Variants in CNOT6L observed in about 807,000 individuals in gnomAD.
CNOT6L encodes CCR4-NOT transcription complex subunit 6 like.
CNOT6L carries 7 observed loss-of-function variants against 64.0 expected under a neutral mutation model. The observed-to-expected ratio is 0.11, with a 90% CI of 0.06 to 0.21. The LOEUF is 0.21. Among genes scored for constraint, CNOT6L ranks in the 10% least tolerant of loss-of-function variants. CNOT6L has a pLI of 1.00. For missense variants in CNOT6L, 245 were observed against 669.0 expected, an observed-to-expected ratio of 0.37 and a Z score of 6.99; for synonymous variants, 193 against 243.4, an observed-to-expected ratio of 0.79 and a Z score of 1.93.
rs574403782 is a variant in CNOT6L, at chr4:77,723,007, C to T, written c.1456-2364G>A. Among the ~76,000 whole-genome samples the T allele has an allele frequency of 1.3e-3, 202 of 152,176 alleles. 1 individual carries two copies. The highest frequency in any genetic ancestry group is 4.8e-3 in the African/African-American group (200 of 41,526). Reference sequence around the variant, plus strand: ...ATATTAATAGTCTGTTACCACTATGCTAAGCTTTTTTAAAAGAATGCCAGA... The same window carrying T: ...ATATTAATAGTCTGTTACCACTATGTTAAGCTTTTTTAAAAGAATGCCAGA... On this transcript the variant is annotated intron_variant, in intron 11 of 11. Transcript: ENST00000504123.
chr4:77,804,377 C>T (rs1263700593), intron 1 of CNOT6L, among the ~76,000 whole-genome samples: 2 of 150,458 alleles, frequency 1.3e-5, no homozygotes, highest in Admixed American at 6.6e-5. Flanking sequence ...TGTGGTGAAC[C>T]GGTATCGTGC....
chr4:77,818,726 C>T (rs944666346), intron 1 of CNOT6L, among the ~76,000 whole-genome samples: 2 of 152,098 alleles, frequency 1.3e-5, no homozygotes. Flanking sequence ...CGACCCTCAC[C>T]TGCCCAGGCC....
Position 77,777,193 on chromosome 4 carries a change from A to G in CNOT6L, c.6-801T>C, listed in dbSNP as rs151076637. On this transcript the variant is annotated intron_variant, in intron 1 of 11. Coordinates refer to ENST00000504123, the MANE Select transcript of CNOT6L (RefSeq NM_144571.3). ...TTTGCCTGGGTCAGTCTTGGTTTATATCTGTTGTTCTGAAGCAATTATTAT... is the reference window on the plus strand; with the variant it reads ...TTTGCCTGGGTCAGTCTTGGTTTATGTCTGTTGTTCTGAAGCAATTATTAT... 3.0e-3 allele frequency among the ~76,000 whole-genome samples: 460 copies of G among 152,328 alleles called. 3 individuals are homozygous for G. Among genetic ancestry groups the G allele is most frequent in the African/African-American group, 0.01 (428 of 41,570 alleles).
At chr4:77,819,218 T>G (rs781125158) in intron 1 of CNOT6L, 86 bp downstream of exon 1, 2 of 1,610,398 alleles carry the variant, frequency 1.2e-6, no homozygotes, top group South Asian at 1.1e-5. Flanking sequence ...ACACGCACAT[T>G]TGTCCCTCTC....
chr4:77,813,162 C>A, intron 1 of CNOT6L, among the ~76,000 whole-genome samples: 1 of 152,120 alleles, frequency 6.6e-6, no homozygotes. Context: ...AGATATTAGA[C>A]TTCTACAACA....
chr4:77,809,892 CA>C (rs1340546622), intron 1 of CNOT6L, among the ~76,000 whole-genome samples: 1 of 152,056 alleles, frequency 6.6e-6, no homozygotes, highest in Non-Finnish European at 1.5e-5. Context: ...TATTTTGTGT[CA>C]CCAATTTCAA....
rs1445416966 is a variant in CNOT6L at position 77,819,337 on chromosome 4, A to C, written c.-29T>G. ...CTTCCTCTGGCCCAGAAGCAACAGCAGCCATTTCCCCGCGGCAGGGGAAAC... is the reference window on the plus strand; with the variant it reads ...CTTCCTCTGGCCCAGAAGCAACAGCCGCCATTTCCCCGCGGCAGGGGAAAC... On this transcript the variant is annotated 5_prime_UTR_variant, in exon 1 of 12. Transcript: ENST00000504123. 6.2e-7 allele frequency: 1 copy of C among 1,613,258 alleles called. No individual in the cohort carries two copies. Among genetic ancestry groups the C allele is most frequent in the Non-Finnish European group, 8.5e-7 (1 of 1,179,626 alleles).
chr4:77,774,977 C>T (rs1019810770), intron 2 of CNOT6L, among the ~76,000 whole-genome samples: 35 of 152,244 alleles, frequency 2.3e-4, no homozygotes, highest in African/African-American at 8.4e-4. Context: ...ATGTGGAAAC[C>T]CTTGGAGTTT....
intron 1 of CNOT6L, among the ~76,000 whole-genome samples, chr4:77,803,336 G>A (rs926581448): frequency 1.3e-5 from 2 of 152,036 alleles, no homozygotes; most frequent in Non-Finnish European, 2.9e-5. Context: ...GAGAAAATAA[G>A]CATACATCAC....
chr4:77,797,741 G>A (rs1731033214), intron 1 of CNOT6L, among the ~76,000 whole-genome samples: 3 of 152,172 alleles, frequency 2.0e-5, no homozygotes, highest in Non-Finnish European at 2.9e-5. Flanking sequence ...CTATGACATT[G>A]TGAAGAAGGA....
chr4:77,735,592 TG>T (rs1447074903), intron 8 of CNOT6L, among the ~76,000 whole-genome samples: 1 of 152,222 alleles, frequency 6.6e-6, no homozygotes, highest in Non-Finnish European at 1.5e-5. Flanking sequence ...GTGACTCTCT[TG>T]GCTTACCAAT....
chr4:77,817,089 C>T lies in CNOT6L; in HGVS notation c.5+2215G>A, dbSNP rs1020154727. On this transcript the variant is annotated intron_variant, in intron 1 of 11. Coordinates refer to ENST00000504123, the MANE Select transcript of CNOT6L (RefSeq NM_144571.3). ...TGGGGATCTATCTAAATTTTGGTTC[C>T]TTGATCCTTTTTAATGTTTAACTGT... Among the ~76,000 whole-genome samples the T allele has an allele frequency of 6.6e-5, 10 of 151,884 alleles. No individual in the cohort carries two copies. In the South Asian group the frequency reaches 1.2e-3, roughly 19 times the overall value.
intron 7 of CNOT6L, 66 bp downstream of exon 7, chr4:77,744,652 T>G: frequency 7.3e-7 from 1 of 1,367,342 alleles, no homozygotes; most frequent in Non-Finnish European, 9.8e-7. Context: ...CTCCCAGTGG[T>G]CAGATCTTCT....
intron 6 of CNOT6L, 57 bp downstream of exon 6, chr4:77,748,259 C>T: frequency 8.6e-7 from 1 of 1,160,204 alleles, no homozygotes. Context: ...ATCATGAAGC[C>T]CAAATAACAT....
Position 77,716,732 on chromosome 4 carries a change from C to A in CNOT6L, c.*3699G>T, listed in dbSNP as rs1279305145. The A allele has an allele frequency of 6.6e-6, 1 of 152,162 alleles. No homozygotes were observed. The highest frequency in any genetic ancestry group is 1.5e-5 in the Non-Finnish European group (1 of 67,924). 9.4% of individuals were successfully genotyped at this position (152,162 alleles called of 1,614,324 possible). A position where few individuals can be genotyped will look rare whatever the true frequency, so the allele number is the denominator to read the frequency against. Reference sequence around the variant, plus strand: ...GATTTAATATATAACTTTAAGACACCAAAAAAATAGGGGCAAATAAGAAAC... The same window carrying A: ...GATTTAATATATAACTTTAAGACACAAAAAAAATAGGGGCAAATAAGAAAC... On this transcript the variant is annotated 3_prime_UTR_variant, in exon 12 of 12. Transcript: ENST00000504123.
chr4:77,742,328 CAGAG>C, intron 7 of CNOT6L, 33 bp from the exon 8 acceptor site: 1 of 1,576,782 alleles, frequency 6.3e-7, no homozygotes. Flanking sequence ...ATCTATATGA[CAGAG>C]GGAAAATGCT....
At chr4:77,758,593 G>A (rs1725828505) in intron 4 of CNOT6L, among the ~76,000 whole-genome samples, 1 of 152,172 alleles carries the variant, frequency 6.6e-6, no homozygotes, top group Admixed American at 6.5e-5. Context: ...AGCAGATACA[G>A]AGAATCACAA....
intron 1 of CNOT6L, among the ~76,000 whole-genome samples, chr4:77,793,165 C>T (rs910254195): frequency 1.5e-4 from 23 of 151,896 alleles, no homozygotes; most frequent in Admixed American, 3.9e-4. Context: ...AAATCATTGT[C>T]AGAGAGAAAT....
At chr4:77,799,678 T>C (rs1452291448) in intron 1 of CNOT6L, among the ~76,000 whole-genome samples, 1 of 125,494 alleles carries the variant, frequency 8.0e-6, no homozygotes, top group Middle Eastern at 6.8e-3. Context: ...CACTCCAGCC[T>C]AGGTGAGGGG....
Sources: allele counts gnomAD v4.1 joint callset (sites outside exome capture counted in the v4.1 genomes callset), GRCh38; gene constraint gnomAD v4.1.1; transcripts MANE v1.5; gene names NCBI Gene and HGNC (gene_info 2026-07-23, HGNC 2026-07-21).